Variants in FHIT observed in about 807,000 individuals in gnomAD.
FHIT encodes fragile histidine triad diadenosine triphosphatase.
In FHIT, 19 loss-of-function variants were observed where a neutral mutation model predicts 17.9. That is an observed-to-expected ratio of 1.06 (90% CI 0.74 to 1.56). FHIT has a LOEUF of 1.56. Ranked by LOEUF, FHIT falls within the 40% of genes most tolerant of loss-of-function variation. The probability of loss-of-function intolerance (pLI) is 0.00; values close to 1 mark genes in which losing one functional copy is unlikely to be tolerated. For missense variants in FHIT, 248 were observed against 189.2 expected, an observed-to-expected ratio of 1.31 and a Z score of -1.82; for synonymous variants, 81 against 69.7, an observed-to-expected ratio of 1.16 and a Z score of -0.81.
At chr3:60,457,651 A>C (rs191676626) in intron 5 of FHIT, among the ~76,000 whole-genome samples, 10,016 of 152,088 alleles carry the variant, frequency 0.066, 789 homozygotes, top group East Asian at 0.38. Context: ...GGCAACCTAC[A>C]GAATGGGAGA....
At chr3:60,479,608 C>T (rs1012812316) in intron 5 of FHIT, among the ~76,000 whole-genome samples, 1 of 152,160 alleles carries the variant, frequency 6.6e-6, no homozygotes, top group African/African-American at 2.4e-5. Flanking sequence ...TCCCCAACCC[C>T]CTGGCTGCAG....
intron 5 of FHIT, among the ~76,000 whole-genome samples, chr3:60,139,247 A>G (rs1699935517): frequency 6.6e-6 from 1 of 152,210 alleles, no homozygotes; most frequent in South Asian, 2.1e-4. Flanking sequence ...TGAGAGCTCA[A>G]TCACTGTGTC....
chr3:60,017,404 G>C (rs1429903467), intron 5 of FHIT, among the ~76,000 whole-genome samples: 1 of 152,166 alleles, frequency 6.6e-6, no homozygotes, highest in African/African-American at 2.4e-5. Context: ...GGGATACAAA[G>C]CTGGCATTTT....
intron 5 of FHIT, among the ~76,000 whole-genome samples, chr3:60,420,176 C>CT (rs1489333342): frequency 6.6e-6 from 1 of 152,014 alleles, no homozygotes; most frequent in Non-Finnish European, 1.5e-5. Context: ...AATATAAAGG[C>CT]TTTTTTACTG....
chr3:60,417,850 G>A (rs1433910084), intron 5 of FHIT, among the ~76,000 whole-genome samples: 5 of 152,134 alleles, frequency 3.3e-5, no homozygotes, highest in Non-Finnish European at 7.3e-5. Context: ...GGATCCCAGA[G>A]GTCTGCAAAC....
At chr3:61,202,328 G>C (rs1322153189) in intron 1 of FHIT, among the ~76,000 whole-genome samples, 1 of 150,606 alleles carries the variant, frequency 6.6e-6, no homozygotes, top group African/African-American at 2.4e-5. Context: ...CCTCTGCTCG[G>C]CAGCCGCCCT....
At chr3:59,885,774 T>C (rs1703598102) in intron 8 of FHIT, among the ~76,000 whole-genome samples, 1 of 152,230 alleles carries the variant, frequency 6.6e-6, no homozygotes, top group South Asian at 2.1e-4. Flanking sequence ...CTGCTTTCAT[T>C]TTCCAAAAGA....
Position 60,266,948 on chromosome 3 carries a change from G to C in FHIT, c.104-252796C>G, listed in dbSNP as rs1303465715. The stretch of plus-strand genomic sequence containing the variant: ...GAGAAATCAAAAGTCAGGCAGGATA[G>C]AAAGTGTGATGGTAGTTTACTCCAC... On this transcript the variant is annotated intron_variant, in intron 5 of 9. Transcript: ENST00000492590. Among the ~76,000 whole-genome samples, 7 of 152,216 alleles carry C rather than the reference G, an allele frequency of 4.6e-5. No individual in the cohort carries two copies. The East Asian group carries it at 1.4e-3, about 29-fold the overall frequency.
At chr3:59,784,983 G>A (rs575388) in intron 8 of FHIT, among the ~76,000 whole-genome samples, 24,981 of 151,928 alleles carry the variant, frequency 0.16, 2,145 homozygotes, top group Non-Finnish European at 0.2. Context: ...GAGGCCTCAG[G>A]AAGCTTCCAA....
intron 4 of FHIT, among the ~76,000 whole-genome samples, chr3:60,778,618 G>A (rs1700280805): frequency 6.6e-6 from 1 of 152,198 alleles, no homozygotes; most frequent in African/African-American, 2.4e-5. Context: ...ATACTCCTAT[G>A]AACAAAGTTT....
chr3:60,106,672 T>A (rs1386053631), intron 5 of FHIT, among the ~76,000 whole-genome samples: 3 of 152,194 alleles, frequency 2.0e-5, no homozygotes, highest in Admixed American at 6.5e-5. Context: ...CCAGAAGAGA[T>A]GAGACTCCCC....
intron 4 of FHIT, among the ~76,000 whole-genome samples, chr3:60,696,643 G>A (rs1282628466): frequency 6.6e-6 from 1 of 152,206 alleles, no homozygotes; most frequent in Non-Finnish European, 1.5e-5. Context: ...AAGAGAGTCT[G>A]TGGATCAGAG....
intron 8 of FHIT, among the ~76,000 whole-genome samples, chr3:59,885,586 A>G (rs1703589051): frequency 6.6e-6 from 1 of 152,038 alleles, no homozygotes. Context: ...TTGATCATCC[A>G]CTTTTCAAGA....
chr3:60,646,453 G>A (rs1001222744), intron 4 of FHIT, among the ~76,000 whole-genome samples: 1 of 152,198 alleles, frequency 6.6e-6, no homozygotes, highest in South Asian at 2.1e-4. Context: ...ATCTGGGACT[G>A]TCAAAAATAA....
At chr3:60,295,028 T>C (rs1708145347) in intron 5 of FHIT, among the ~76,000 whole-genome samples, 7 of 151,830 alleles carry the variant, frequency 4.6e-5, no homozygotes, top group Admixed American at 4.6e-4. Flanking sequence ...TTTTTGTGTT[T>C]CTTGGATAAA....
chr3:60,078,215 A>C lies in FHIT; in HGVS notation c.104-64063T>G, dbSNP rs2107022658. Among the ~76,000 whole-genome samples, 2 of 152,272 alleles carry C rather than the reference A, an allele frequency of 1.3e-5. 1 individual carries two copies. Among genetic ancestry groups the C allele is most frequent in the South Asian group, 4.1e-4 (2 of 4,830 alleles). ...TCCTATAAGATACTTATTGATTACAAAAGGAAAAATAGCAATTTTCCAATG... is the reference window on the plus strand; with the variant it reads ...TCCTATAAGATACTTATTGATTACACAAGGAAAAATAGCAATTTTCCAATG... On this transcript the variant is annotated intron_variant, in intron 5 of 9. Transcript: ENST00000492590.
intron 5 of FHIT, among the ~76,000 whole-genome samples, chr3:60,507,707 T>C (rs2034790465): frequency 6.6e-6 from 1 of 152,162 alleles, no homozygotes; most frequent in African/African-American, 2.4e-5. Context: ...GTATACATTG[T>C]TTCCTCGGCC....
chr3:60,577,283 A>G (rs1200377564), intron 4 of FHIT, among the ~76,000 whole-genome samples: 1 of 152,148 alleles, frequency 6.6e-6, no homozygotes, highest in Non-Finnish European at 1.5e-5. Flanking sequence ...TGAGGGACCA[A>G]GAACATAGGC....
chr3:60,461,705 G>T (rs913239590), intron 5 of FHIT, among the ~76,000 whole-genome samples: 2 of 152,056 alleles, frequency 1.3e-5, no homozygotes, highest in African/African-American at 4.8e-5. Flanking sequence ...ATTCCAAGTT[G>T]GTCTCTCACC....
Sources: gnomAD v4.1 joint callset for allele counts (sites outside exome capture counted in the v4.1 genomes callset) on GRCh38, gnomAD v4.1.1 for gene constraint, MANE v1.5 for transcripts, NCBI Gene and HGNC (gene_info 2026-07-23, HGNC 2026-07-21) for gene names.